SEPSECS: variants seen among roughly 807,000 people sequenced by gnomAD.
The protein encoded by SEPSECS is O-phosphoseryl-tRNA(Sec) selenium transferase.
Under a neutral mutation model 52.1 loss-of-function variants are expected in SEPSECS, and 42 were observed. The ratio of observed to expected loss-of-function variants is 0.81; its 90% CI spans 0.63 to 1.04. The LOEUF is 1.04. SEPSECS is among the 50% of genes least tolerant of loss of function. The probability of loss-of-function intolerance (pLI) is 0.00; values close to 1 mark genes in which losing one functional copy is unlikely to be tolerated. For missense variants in SEPSECS, 590 were observed against 610.6 expected (o/e 0.97, Z 0.36); for synonymous variants, 216 against 211.4 (o/e 1.02, Z -0.19).
At chr4:25,147,291 T>G (rs1015952047) in intron 6 of SEPSECS, among the ~76,000 whole-genome samples, 3 of 152,240 alleles carry the variant, frequency 2.0e-5, no homozygotes, top group African/African-American at 7.2e-5. Context: ...CAAGGTTTAC[T>G]CTCTGCTTTC....
chr4:25,124,589 T>C (rs1728284395), intron 10 of SEPSECS, among the ~76,000 whole-genome samples: 1 of 152,186 alleles, frequency 6.6e-6, no homozygotes, highest in South Asian at 2.1e-4. Context: ...GAAAATGATT[T>C]GGTTTTGTGC....
At chr4:25,144,587 T>G (rs543015701) in intron 8 of SEPSECS, among the ~76,000 whole-genome samples, 187 bp downstream of exon 8, 9 of 150,882 alleles carry the variant, frequency 6.0e-5, no homozygotes, top group Non-Finnish European at 1.3e-4. Context: ...CCTCGTAATA[T>G]CTGGATAGAC....
chr4:25,139,545 C>T (rs1323147839), intron 8 of SEPSECS, among the ~76,000 whole-genome samples: 1 of 151,948 alleles, frequency 6.6e-6, no homozygotes, highest in Non-Finnish European at 1.5e-5. Flanking sequence ...GCCACCACAC[C>T]CAGCTACTTT....
intron 1 of SEPSECS, chr4:25,159,789 C>G: frequency 9.1e-7 from 1 of 1,098,302 alleles, no homozygotes; most frequent in East Asian, 9.1e-5. Flanking sequence ...CAAAACACAA[C>G]AAAACTTTTA....
chr4:25,126,481 G>C (rs1443275081), intron 9 of SEPSECS, among the ~76,000 whole-genome samples: 2 of 152,078 alleles, frequency 1.3e-5, no homozygotes, highest in Admixed American at 6.6e-5. Context: ...CCTAAAAAAG[G>C]CTTCAGCTAC....
At position 25,159,234 on chromosome 4, in the gene SEPSECS, T is replaced by C. The variant is rs185850908; in HGVS notation, c.115-127A>G. 52 of 780,934 alleles carry C rather than the reference T, an allele frequency of 6.7e-5. 1 individual carries two copies. In the African/African-American group the frequency reaches 7.7e-4, roughly 12 times the overall value. The allele number at this position is 780,934 out of a possible 1,614,324, so 48.4% of individuals were successfully genotyped here. A position where few individuals can be genotyped will look rare whatever the true frequency, so the allele number is the denominator to read the frequency against. The stretch of plus-strand genomic sequence containing the variant: ...CTGCTTGTTTTCTAAAATTCAAGCA[T>C]AAATTCACCACTGTATAGAGACCGC... On this transcript the variant is annotated intron_variant, in intron 1 of 10. Coordinates refer to ENST00000382103, the MANE Select transcript of SEPSECS (RefSeq NM_016955.4).
chr4:25,129,016 C>A (rs1728505546), intron 8 of SEPSECS, among the ~76,000 whole-genome samples: 1 of 152,034 alleles, frequency 6.6e-6, no homozygotes, highest in Non-Finnish European at 1.5e-5. Context: ...TTCTGTCAAC[C>A]CAGTACACAT....
At chr4:25,157,719 GTATTT>G (rs2109037077) in intron 2 of SEPSECS, among the ~76,000 whole-genome samples, 1 of 151,900 alleles carries the variant, frequency 6.6e-6, no homozygotes, top group East Asian at 1.9e-4. Context: ...TAATTTTTTT[GTATTT>G]TTAGTAGAGA....
intron 8 of SEPSECS, among the ~76,000 whole-genome samples, chr4:25,138,661 A>G (rs1203874574): frequency 1.3e-5 from 2 of 152,142 alleles, no homozygotes; most frequent in African/African-American, 4.8e-5. Flanking sequence ...TTTCATCTCA[A>G]ATGCCATAAA....
intron 1 of SEPSECS, chr4:25,159,685 T>A: frequency 2.1e-6 from 1 of 469,794 alleles, no homozygotes; most frequent in Non-Finnish European, 3.2e-6. Flanking sequence ...GGCAGGCGAA[T>A]GGCGTGAACC....
At chr4:25,128,969 T>A (rs900520347) in intron 8 of SEPSECS, among the ~76,000 whole-genome samples, 4 of 152,212 alleles carry the variant, frequency 2.6e-5, no homozygotes, top group African/African-American at 9.6e-5. Context: ...GTTTATGAAT[T>A]ATTAATGAGT....
intron 1 of SEPSECS, 108 bp from the exon 2 acceptor site, chr4:25,159,215 G>A: frequency 1.0e-6 from 1 of 965,462 alleles, no homozygotes; most frequent in Admixed American, 2.9e-5. Context: ...CACGCTGCTT[G>A]TTTTCTAAAA....
chr4:25,123,777 T>A lies in SEPSECS; in HGVS notation c.*154A>T, dbSNP rs1728230845. The A allele has an allele frequency of 1.6e-6, 1 of 643,882 alleles. No homozygotes were observed. The highest frequency in any genetic ancestry group is 2.8e-6 in the Non-Finnish European group (1 of 363,462). The allele number at this position is 643,882 out of a possible 1,614,324, so 39.9% of individuals were successfully genotyped here. A position where few individuals can be genotyped will look rare whatever the true frequency, so the allele number is the denominator to read the frequency against. On this transcript the variant is annotated 3_prime_UTR_variant, in exon 11 of 11. Transcript: ENST00000382103. The stretch of plus-strand genomic sequence containing the variant: ...AGTCTAAGAATGGGAAACTTAACAA[T>A]CATCAATGGCTAGTTCAGACCAAAG...
intron 6 of SEPSECS, among the ~76,000 whole-genome samples, chr4:25,149,598 T>C (rs1450523140): frequency 6.6e-6 from 1 of 152,184 alleles, no homozygotes; most frequent in African/African-American, 2.4e-5. Context: ...GGTAATAGCA[T>C]TATGAGTGAT....
rs1169424857 is a variant in SEPSECS, at chr4:25,125,780, C to T, written c.1125G>A (p.Met375Ile). The T allele has an allele frequency of 1.9e-6, 3 of 1,609,476 alleles. No individual in the cohort carries two copies. The highest frequency in any genetic ancestry group is 2.5e-6 in the Non-Finnish European group (3 of 1,176,748). ...GGTGTTCATCTAGTGTTTTAAGTGTCATAGCTGAAAAAGAAAAAAGTATCC... is the reference window on the plus strand; with the variant it reads ...GGTGTTCATCTAGTGTTTTAAGTGTTATAGCTGAAAAAGAAAAAAGTATCC... ...HTPHNPISLA[M>I]TLKTLDEHRD... Residue 375 changes from methionine (M) to isoleucine (I), a missense_variant, in exon 10 of 11, where the codon ATG becomes ATA. Transcript: ENST00000382103.
At chr4:25,142,886 AG>A (rs1711677401) in intron 8 of SEPSECS, among the ~76,000 whole-genome samples, 2 of 152,240 alleles carry the variant, frequency 1.3e-5, no homozygotes, top group Admixed American at 1.3e-4. Context: ...GAGTCTTTTA[AG>A]ACTAAAAGTG....
intron 3 of SEPSECS, 137 bp downstream of exon 3, chr4:25,156,707 CAAAAAAAAAAAA>C (rs34542574): frequency 2.4e-4 from 54 of 229,632 alleles, no homozygotes; most frequent in Admixed American, 1.5e-3. Context: ...GACTCCGTCT[CAAAAAAAAAAAA>C]AAAAAAAAAA....
intron 6 of SEPSECS, among the ~76,000 whole-genome samples, chr4:25,147,065 G>C (rs1046618801): frequency 1.3e-5 from 2 of 152,152 alleles, no homozygotes; most frequent in African/African-American, 4.8e-5. Flanking sequence ...TGGCCTCCTT[G>C]CTATTTCTCA....
At chr4:25,152,318 T>C (rs1712353601) in intron 5 of SEPSECS, among the ~76,000 whole-genome samples, 1 of 152,042 alleles carries the variant, frequency 6.6e-6, no homozygotes, top group Non-Finnish European at 1.5e-5. Context: ...CAAAAATTTA[T>C]GTAGATGATA....
Sources: gnomAD v4.1 joint callset for allele counts (sites outside exome capture counted in the v4.1 genomes callset) on GRCh38, gnomAD v4.1.1 for gene constraint, MANE v1.5 for transcripts, NCBI Gene and HGNC (gene_info 2026-07-23, HGNC 2026-07-21) for gene names.